The following FREY1 variants were observed in gnomAD, a reference collection of about 807,000 sequenced individuals.
The protein encoded by FREY1 is protein Frey 1.
the FREY1 span, chr11:45,907,236 C>T: frequency 9.5e-5 from 147 of 1,549,994 alleles, no homozygotes; most frequent in African/African-American, 1.7e-3. Flanking sequence ...CCCAGCATGG[C>T]GAGAACCATC....
At chr11:45,907,229 A>C in the FREY1 span, 1 of 1,552,538 alleles carries the variant, frequency 6.4e-7, no homozygotes, top group African/African-American at 1.4e-5. Flanking sequence ...CAGAGCCCCC[A>C]GCATGGCGAG....
chr11:45,907,027 G>A, the FREY1 span: 14 of 1,563,650 alleles, frequency 9.0e-6, no homozygotes, highest in African/African-American at 1.4e-5. Context: ...CAGTGTGGGG[G>A]CACTTGGCAA....
chr11:45,907,055 G>GT, the FREY1 span: 1 of 1,525,726 alleles, frequency 6.6e-7, no homozygotes, highest in Non-Finnish European at 9.0e-7. Flanking sequence ...AACGCCCAGG[G>GT]TACCAGGGCC....
chr11:45,906,981 G>GGCCACC, the FREY1 span: 3 of 1,609,552 alleles, frequency 1.9e-6, no homozygotes, highest in Admixed American at 5.0e-5. Context: ...TGGCCCAGAA[G>GGCCACC]GCCACCGCCA....
the FREY1 span, chr11:45,906,895 G>A: frequency 1.3e-4 from 217 of 1,613,860 alleles, 1 homozygote; most frequent in Admixed American, 2.9e-3. Context: ...AAGTGGCTGC[G>A]AGAGTTCCAG....
chr11:45,907,243 C>T, the FREY1 span: 3 of 1,547,488 alleles, frequency 1.9e-6, no homozygotes, highest in Admixed American at 4.0e-5. Flanking sequence ...TGGCGAGAAC[C>T]ATCTCCTACA....
the FREY1 span, chr11:45,907,205 C>A: frequency 1.9e-6 from 3 of 1,556,130 alleles, no homozygotes; most frequent in Non-Finnish European, 2.6e-6. Context: ...GAGGCTGAGC[C>A]CAGCCCGGGG....
the FREY1 span, chr11:45,906,906 G>C: frequency 3.7e-6 from 6 of 1,613,740 alleles, no homozygotes; most frequent in African/African-American, 2.7e-5. Context: ...AGAGTTCCAG[G>C]GGGGCGGAAA....
the FREY1 span, chr11:45,906,657 C>A: frequency 6.3e-7 from 1 of 1,592,674 alleles, no homozygotes; most frequent in Non-Finnish European, 8.6e-7. Flanking sequence ...TCGAGGCCCT[C>A]GCGGCCTTGG....
At chr11:45,907,020 T>C in the FREY1 span, 2 of 1,572,142 alleles carry the variant, frequency 1.3e-6, no homozygotes, top group Non-Finnish European at 1.7e-6. Context: ...GATGGCTCAG[T>C]GTGGGGGCAC....
the FREY1 span, chr11:45,906,820 G>A: frequency 5.6e-5 from 90 of 1,610,138 alleles, no homozygotes; most frequent in South Asian, 7.7e-5. Context: ...TCTTAGGGGC[G>A]TCTCCACTGT....
chr11:45,907,102 C>T, the FREY1 span: 2 of 1,539,678 alleles, frequency 1.3e-6, no homozygotes, highest in Non-Finnish European at 1.8e-6. Context: ...AGCACCTCCA[C>T]CATCCGGCCC....
chr11:45,906,660 G>A, the FREY1 span: 22 of 1,590,704 alleles, frequency 1.4e-5, no homozygotes, highest in South Asian at 3.4e-5. Context: ...AGGCCCTCGC[G>A]GCCTTGGGTG....
the FREY1 span, chr11:45,906,834 G>T: frequency 8.7e-6 from 14 of 1,612,886 alleles, no homozygotes; most frequent in African/African-American, 1.9e-4. Flanking sequence ...CCACTGTCAG[G>T]GATGGGTAGG....
At chr11:45,906,651 G>A in the FREY1 span, 2 of 1,593,338 alleles carry the variant, frequency 1.3e-6, no homozygotes, top group Non-Finnish European at 8.6e-7. Context: ...GAGGGGTCGA[G>A]GCCCTCGCGG....
the FREY1 span, chr11:45,906,830 T>C: frequency 6.2e-7 from 1 of 1,612,600 alleles, no homozygotes; most frequent in South Asian, 1.1e-5. Context: ...GTCTCCACTG[T>C]CAGGGATGGG....
the FREY1 span, chr11:45,907,211 CG>C: frequency 1.3e-6 from 2 of 1,555,422 alleles, no homozygotes; most frequent in Non-Finnish European, 8.7e-7. Context: ...GAGCCCAGCC[CG>C]GGGGTGCAGA....
At chr11:45,906,705 G>A in the FREY1 span, 2 of 1,575,800 alleles carry the variant, frequency 1.3e-6, no homozygotes, top group Non-Finnish European at 1.7e-6. Context: ...AGAGAGAAAA[G>A]AGGGCATGGG....
At chr11:45,906,989 C>A in the FREY1 span, 1 of 1,605,666 alleles carries the variant, frequency 6.2e-7, no homozygotes, top group Admixed American at 1.7e-5. Context: ...AAGGCCACCG[C>A]CACCTCCTTG....
Sources: gnomAD v4.1 joint callset for allele counts on GRCh38, gnomAD v4.1.1 for gene constraint, MANE v1.5 for transcripts, NCBI Gene and HGNC (gene_info 2026-07-23, HGNC 2026-07-21) for gene names.